Variants in RBFOX1 observed in about 807,000 individuals in gnomAD.
RBFOX1 encodes RNA binding protein fox-1 homolog 1.
RBFOX1 carries 8 observed loss-of-function variants against 57.7 expected under a neutral mutation model. The ratio of observed to expected loss-of-function variants is 0.14; its 90% CI spans 0.08 to 0.25. The LOEUF is 0.25. RBFOX1 is among the 10% of genes least tolerant of loss of function. RBFOX1 has a pLI of 1.00. For synonymous variants in RBFOX1, 326 were observed against 222.4 expected, an observed-to-expected ratio of 1.47 and a Z score of -4.15; for missense variants, 611 against 548.5, an observed-to-expected ratio of 1.11 and a Z score of -1.14.
intron 4 of RBFOX1, among the ~76,000 whole-genome samples, chr16:7,232,941 C>G (rs1393046660): frequency 1.3e-5 from 2 of 151,894 alleles, no homozygotes; most frequent in African/African-American, 4.8e-5. Context: ...ATTTGTATTC[C>G]CATATTTCTC....
chr16:7,009,376 C>G (rs540731345), intron 3 of RBFOX1, among the ~76,000 whole-genome samples: 2 of 151,402 alleles, frequency 1.3e-5, no homozygotes, highest in Admixed American at 6.6e-5. Flanking sequence ...ATTAGAAGCA[C>G]CTTAAAATGA....
At chr16:7,603,009 T>C (rs2095119282) in intron 9 of RBFOX1, among the ~76,000 whole-genome samples, 1 of 152,190 alleles carries the variant, frequency 6.6e-6, no homozygotes, top group Non-Finnish European at 1.5e-5. Context: ...GAAGGAATTT[T>C]AAAAATTCTT....
intron 3 of RBFOX1, among the ~76,000 whole-genome samples, chr16:5,833,396 G>A (rs757048352): frequency 1.3e-5 from 2 of 151,504 alleles, no homozygotes; most frequent in African/African-American, 4.9e-5. Flanking sequence ...TCAGGAGGCT[G>A]AGGCAGGAGA....
At chr16:6,932,318 G>T (rs2076692992) in intron 3 of RBFOX1, among the ~76,000 whole-genome samples, 1 of 152,018 alleles carries the variant, frequency 6.6e-6, no homozygotes, top group Non-Finnish European at 1.5e-5. Context: ...TGTTGGCCAA[G>T]CTGGTCTCAA....
At chr16:7,365,311 G>A (rs887102891) in intron 4 of RBFOX1, among the ~76,000 whole-genome samples, 16 of 152,198 alleles carry the variant, frequency 1.1e-4, no homozygotes, top group African/African-American at 3.9e-4. Context: ...AGGGAAGAAT[G>A]TAGAGTATAT....
At chr16:5,392,891 C>A (rs914754391) in intron 1 of RBFOX1, among the ~76,000 whole-genome samples, 1 of 152,156 alleles carries the variant, frequency 6.6e-6, no homozygotes, top group African/African-American at 2.4e-5. Flanking sequence ...TCTTTACATC[C>A]TGGCACTTAC....
At chr16:6,418,519 A>ATTT (rs567448072) in intron 2 of RBFOX1, among the ~76,000 whole-genome samples, 5,221 of 100,822 alleles carry the variant, frequency 0.052, 777 homozygotes, top group African/African-American at 0.18. Flanking sequence ...TGCAAGCCTT[A>ATTT]TTTTTTTTTT....
chr16:7,545,142 G>A (rs1223094356), intron 5 of RBFOX1, among the ~76,000 whole-genome samples: 1 of 152,186 alleles, frequency 6.6e-6, no homozygotes, highest in Non-Finnish European at 1.5e-5. Flanking sequence ...CTGCCTTGCT[G>A]AGCATCAAGG....
intron 3 of RBFOX1, among the ~76,000 whole-genome samples, chr16:7,016,721 T>C (rs2093933894): frequency 6.6e-6 from 1 of 152,228 alleles, no homozygotes; most frequent in Admixed American, 6.5e-5. Flanking sequence ...TTTTCTTTTT[T>C]CTAAAGTGGA....
At chr16:5,431,884 G>C (rs1297676636) in intron 1 of RBFOX1, among the ~76,000 whole-genome samples, 1 of 152,022 alleles carries the variant, frequency 6.6e-6, no homozygotes, top group Non-Finnish European at 1.5e-5. Context: ...TTCACGGAGC[G>C]GTACCTTCCC....
chr16:6,044,133 G>A (rs1258689233), intron 1 of RBFOX1, among the ~76,000 whole-genome samples: 1 of 152,178 alleles, frequency 6.6e-6, no homozygotes, highest in East Asian at 1.9e-4. Flanking sequence ...TACAGTGACT[G>A]AGGGTAGTCA....
chr16:5,685,819 C>G (rs2050487747), intron 3 of RBFOX1, among the ~76,000 whole-genome samples: 2 of 152,174 alleles, frequency 1.3e-5, no homozygotes, highest in Admixed American at 1.3e-4. Flanking sequence ...AAGATGTATG[C>G]TCCTAGTACA....
At chr16:5,985,138 A>C (rs1277143207) in intron 4 of RBFOX1, among the ~76,000 whole-genome samples, 2 of 151,112 alleles carry the variant, frequency 1.3e-5, no homozygotes, top group Non-Finnish European at 2.9e-5. Context: ...GGCACCCGCC[A>C]CCATACCCGG....
chr16:6,956,987 G>A lies in RBFOX1; in HGVS notation c.-15-95070G>A, dbSNP rs559056079. Among the ~76,000 whole-genome samples the A allele has an allele frequency of 2.6e-5, 4 of 151,956 alleles. No homozygotes were observed. In the East Asian group the frequency reaches 7.7e-4, roughly 29 times the overall value. ...AAAGAATTCAGGGCAAGTCTGCAGA[G>A]TAAAGTGAAAGCAAGTTTATTAAGA... On this transcript the variant is annotated intron_variant, in intron 3 of 15. Transcript: ENST00000550418.
In RBFOX1 at chr16:5,856,604, T is replaced by TAA. The variant is rs1555547898; in HGVS notation, c.319-10698_319-10697dup. Among the ~76,000 whole-genome samples the TAA allele has an allele frequency of 2.8e-3, 192 of 68,102 alleles. 35 individuals carry two copies. Among genetic ancestry groups the TAA allele is most frequent in the Middle Eastern group, 0.017 (2 of 120 alleles). The allele number at this position is 68,102 out of a possible 152,430, so 44.7% of individuals were successfully genotyped here. A position where few individuals can be genotyped will look rare whatever the true frequency, so the allele number is the denominator to read the frequency against. On this transcript the variant is annotated intron_variant, in intron 3 of 19. Coordinates refer to the RBFOX1 transcript ENST00000641259. ...ATATATATATATATATATATATATA[T>TAA]AATCTTAGCCAGATCTTCTGGATAA...
rs1015202392 is a variant in RBFOX1 at position 7,711,817 on chromosome 16, T to A, written c.*1072T>A. On this transcript the variant is annotated 3_prime_UTR_variant, in exon 16 of 16. Transcript: ENST00000550418. ...CATATTCGGATTTATAGAAGCATTT[T>A]ACAAGTATTGCAATCATTGAGTAGA... 1 of 152,620 alleles carries A rather than the reference T, an allele frequency of 6.6e-6. No individual in the cohort carries two copies. Among genetic ancestry groups the A allele is most frequent in the Non-Finnish European group, 1.5e-5 (1 of 68,030 alleles). The allele number at this position is 152,620 out of a possible 1,614,324, so 9.5% of individuals were successfully genotyped here.
At chr16:6,430,530 C>T (rs541885412) in intron 2 of RBFOX1, among the ~76,000 whole-genome samples, 24 of 151,986 alleles carry the variant, frequency 1.6e-4, no homozygotes, top group African/African-American at 4.6e-4. Context: ...GAAGACATGA[C>T]GGATGGATGG....
intron 3 of RBFOX1, among the ~76,000 whole-genome samples, chr16:5,827,493 C>T (rs932577841): frequency 1.3e-5 from 2 of 151,992 alleles, no homozygotes; most frequent in East Asian, 1.9e-4. Context: ...TCTCTATGCA[C>T]CCCGAGAACT....
intron 3 of RBFOX1, among the ~76,000 whole-genome samples, chr16:6,715,266 G>GT (rs34985847): frequency 5.3e-5 from 8 of 149,932 alleles, no homozygotes; most frequent in East Asian, 3.9e-4. Flanking sequence ...AAGTTTTAAA[G>GT]TTTTTTTTTT....
Sources: gnomAD v4.1 joint callset for allele counts (sites outside exome capture counted in the v4.1 genomes callset) on GRCh38, gnomAD v4.1.1 for gene constraint, MANE v1.5 for transcripts, NCBI Gene and HGNC (gene_info 2026-07-23, HGNC 2026-07-21) for gene names.